The following MRE11 variants were observed in gnomAD, a reference collection of about 807,000 sequenced individuals.
The protein encoded by MRE11 is MRE11 double strand break repair nuclease.
A neutral mutation model predicts 91.7 loss-of-function variants in MRE11; 62 were observed. That is an observed-to-expected ratio of 0.68 (90% CI 0.55 to 0.84). The LOEUF is 0.84. MRE11 is among the 40% of genes least tolerant of loss of function. The pLI, the probability that MRE11 is intolerant of heterozygous loss-of-function variation, is 0.00. For synonymous variants in MRE11, 273 were observed against 271.4 expected (o/e 1.01, Z -0.06); for missense variants, 796 against 852.9 (o/e 0.93, Z 0.83).
rs876659774 is a variant in MRE11, at chr11:94,447,346, T to C, written c.1656A>G (p.Glu552=). 11 of 1,614,168 alleles carry C rather than the reference T, an allele frequency of 6.8e-6. No homozygotes were observed. The highest frequency in any genetic ancestry group is 9.3e-6 in the Non-Finnish European group (11 of 1,180,006). The change falls in exon 15 of 20, where the codon GAA becomes GAG. Residue 552 remains glutamate, a synonymous_variant. Transcript: ENST00000323929. ...TATCATCAGAGTCATTAGCCATCTG[T>C]TCTGCTAAATCTATACTCATAAGGT... The part of the protein sequence containing the change: ...ADDLMSIDLA[E]QMANDSDDSI...
In MRE11 at chr11:94,479,796, G is replaced by A. The variant is rs12282772; in HGVS notation, c.315-35C>T. 5.3e-4 allele frequency: 815 copies of A among 1,549,516 alleles called. 6 individuals carry two copies. The African/African-American group carries it at 9.2e-3, about 17-fold the overall frequency. ...AAAAAGTTACTTAAAATTTCCATAC[G>A]GGACAAAAGCTGTTTTCCCTAAGAT... is the stretch of plus-strand genomic sequence containing the variant. On this transcript the variant is annotated intron_variant, in intron 4 of 19. Transcript: ENST00000323929.
At chr11:94,435,751 A>G in intron 18 of MRE11, 81 bp downstream of exon 18, 1 of 1,232,454 alleles carries the variant, frequency 8.1e-7, no homozygotes, top group Non-Finnish European at 1.2e-6. Context: ...TACATGGCAT[A>G]GAAAAATGTG....
In MRE11 at chr11:94,418,359, C is replaced by G. The variant is rs13447752; in HGVS notation, c.*1766G>C. On this transcript the variant is annotated 3_prime_UTR_variant, in exon 20 of 20. Coordinates refer to ENST00000323929, the MANE Select transcript of MRE11 (RefSeq NM_005591.4). ...GCGGTGAACTGAATCGCATTTAGTACCTCTTTTCACAGCCAAGAGCAATTT... is the reference window on the plus strand; with the variant it reads ...GCGGTGAACTGAATCGCATTTAGTAGCTCTTTTCACAGCCAAGAGCAATTT... The G allele has an allele frequency of 5.8e-3, 1,346 of 232,784 alleles. 19 individuals are homozygous for G. Among genetic ancestry groups the G allele is most frequent in the African/African-American group, 0.028 (1,258 of 45,400 alleles). The allele number at this position is 232,784 out of a possible 1,614,324, so 14.4% of individuals were successfully genotyped here.
chr11:94,447,008 C>G (rs1945950582), intron 15 of MRE11, among the ~76,000 whole-genome samples: 1 of 152,114 alleles, frequency 6.6e-6, no homozygotes, highest in Non-Finnish European at 1.5e-5. Context: ...CAATTAAAAC[C>G]CTAAGTGCAT....
intron 12 of MRE11, among the ~76,000 whole-genome samples, chr11:94,460,262 T>C (rs961726663): frequency 2.0e-5 from 3 of 152,226 alleles, no homozygotes; most frequent in African/African-American, 7.2e-5. Context: ...GACTGTAAGA[T>C]AATAAATTTG....
chr11:94,496,624 C>A, upstream of MRE11: 2 of 1,355,250 alleles, frequency 1.5e-6, no homozygotes, highest in Non-Finnish European at 2.0e-6. Flanking sequence ...ACAAAGCAGT[C>A]ATAATTCATC....
intron 14 of MRE11, among the ~76,000 whole-genome samples, chr11:94,455,503 A>G (rs1190301843): frequency 6.6e-6 from 1 of 152,130 alleles, no homozygotes; most frequent in Non-Finnish European, 1.5e-5. Flanking sequence ...AGCAATCATA[A>G]AACACTAAGG....
At chr11:94,498,531 A>T, upstream of MRE11, 3 of 1,603,558 alleles carry the variant, frequency 1.9e-6, no homozygotes, top group Non-Finnish European at 2.6e-6. Flanking sequence ...CCTCAGTCTT[A>T]ACAATTCTAG....
chr11:94,451,933 C>T (rs752313609), intron 14 of MRE11, among the ~76,000 whole-genome samples: 4 of 152,172 alleles, frequency 2.6e-5, no homozygotes, highest in East Asian at 3.9e-4. Flanking sequence ...CGGCCAGGCG[C>T]GGTTGCTCAT....
At position 94,447,328 on chromosome 11, in the gene MRE11, A is replaced by G. The variant is rs551545066; in HGVS notation, c.1674T>C (p.Ser558=). The G allele has an allele frequency of 6.2e-7, 1 of 1,614,118 alleles. No homozygotes were observed. The highest frequency in any genetic ancestry group is 1.3e-5 in the African/African-American group (1 of 75,042). The change falls in exon 15 of 20, where the codon TCT becomes TCC. Residue 558 remains serine, a synonymous_variant. Coordinates refer to ENST00000323929, the MANE Select transcript of MRE11 (RefSeq NM_005591.4). ...TGGTTGCTGCTGAGATGCTATCATC[A>G]GAGTCATTAGCCATCTGTTCTGCTA... ...IDLAEQMAND[S]DDSISAATNK...
intron 10 of MRE11, among the ~76,000 whole-genome samples, chr11:94,464,857 T>C (rs1238182039): frequency 6.6e-6 from 1 of 152,180 alleles, no homozygotes; most frequent in Non-Finnish European, 1.5e-5. Flanking sequence ...CTCAGAGATA[T>C]GTTCTTCTCA....
At chr11:94,496,901 A>T, upstream of MRE11, 2 of 1,613,876 alleles carry the variant, frequency 1.2e-6, no homozygotes, top group East Asian at 2.2e-5. Context: ...AGAAAAAAAA[A>T]TGGAAAAAGA....
rs201362521 is a variant in MRE11 at position 94,483,030 on chromosome 11, A to AAAGTT, written c.314+2893_314+2894insAACTT. On this transcript the variant is annotated intron_variant, in intron 4 of 19. Transcript: ENST00000323929. ...GATCACAATTTTGAAAAACAAGGAC[A>AAAGTT]AAGTATTATACAAATCTTTTAAAAC... 7.5e-3 allele frequency among the ~76,000 whole-genome samples: 1,143 copies of AAAGTT among 152,354 alleles called. 10 individuals are homozygous for AAAGTT. The highest frequency in any genetic ancestry group is 0.025 in the African/African-American group (1,047 of 41,576).
At chr11:94,432,441 G>A (rs1216533979) in intron 18 of MRE11, among the ~76,000 whole-genome samples, 1 of 152,060 alleles carries the variant, frequency 6.6e-6, no homozygotes, top group African/African-American at 2.4e-5. Context: ...CTTTTTTGAG[G>A]TGATCCTATC....
At chr11:94,437,402 T>C (rs999625516) in intron 16 of MRE11, among the ~76,000 whole-genome samples, 167 bp from the exon 17 acceptor site, 13 of 152,344 alleles carry the variant, frequency 8.5e-5, no homozygotes, top group Admixed American at 6.5e-4. Context: ...GATAGAATTA[T>C]AGGTACGCAT....
chr11:94,498,643 T>C, upstream of MRE11: 1 of 933,126 alleles, frequency 1.1e-6, no homozygotes, highest in African/African-American at 1.7e-5. Context: ...TTCAGTGACA[T>C]TCATTATAAC....
At chr11:94,422,427 C>T (rs1321073237) in intron 19 of MRE11, among the ~76,000 whole-genome samples, 1 of 152,050 alleles carries the variant, frequency 6.6e-6, no homozygotes, top group Non-Finnish European at 1.5e-5. Flanking sequence ...CTCTACATGA[C>T]ACATGTAGAG....
intron 19 of MRE11, among the ~76,000 whole-genome samples, chr11:94,421,884 A>T (rs182422742): frequency 6.6e-6 from 1 of 152,208 alleles, no homozygotes; most frequent in Non-Finnish European, 1.5e-5. Flanking sequence ...GTGGAATGGT[A>T]GTTACCAGGG....
At chr11:94,465,626 C>G (rs906619699) in intron 10 of MRE11, among the ~76,000 whole-genome samples, 1 of 152,002 alleles carries the variant, frequency 6.6e-6, no homozygotes, top group African/African-American at 2.4e-5. Context: ...GAACTCCTGA[C>G]GTCAGATGAT....
Sources: gnomAD v4.1 joint callset for allele counts (sites outside exome capture counted in the v4.1 genomes callset) on GRCh38, gnomAD v4.1.1 for gene constraint, MANE v1.5 for transcripts, NCBI Gene and HGNC (gene_info 2026-07-23, HGNC 2026-07-21) for gene names.